ZNF519: variants seen among roughly 807,000 people sequenced by gnomAD.
ZNF519 encodes the protein similar to Zinc finger protein 85 (Zinc finger protein HPF4) (HTF1).
In ZNF519, 7 loss-of-function variants were observed where a neutral mutation model predicts 7.4. The ratio of observed to expected loss-of-function variants is 0.94; its 90% CI spans 0.54 to 1.77. ZNF519 has a LOEUF of 1.77. ZNF519 is among the 40% of genes most tolerant of loss of function. The probability of loss-of-function intolerance (pLI) is 0.00; values close to 1 mark genes in which losing one functional copy is unlikely to be tolerated. For synonymous variants in ZNF519, 179 were observed against 203.3 expected (o/e 0.88, Z 1.02); for missense variants, 586 against 623.1 (o/e 0.94, Z 0.63).
downstream of ZNF519, among the ~76,000 whole-genome samples, chr18:14,095,654 A>G (rs975214101): frequency 5.3e-5 from 8 of 152,200 alleles, no homozygotes; most frequent in Non-Finnish European, 1.0e-4. Flanking sequence ...CAGCAGCTCT[A>G]TCTGTGGGCA....
At chr18:14,109,125 AAAAAAAAAAAT>A (rs1183070017) in intron 2 of ZNF519, among the ~76,000 whole-genome samples, 1 of 151,734 alleles carries the variant, frequency 6.6e-6, no homozygotes, top group Non-Finnish European at 1.5e-5. Flanking sequence ...CTCAAAAAAA[AAAAAAAAAAAT>A]AATAATGAGG....
intron 2 of ZNF519, among the ~76,000 whole-genome samples, chr18:14,119,742 C>T (rs1439960913): frequency 1.3e-5 from 2 of 152,106 alleles, no homozygotes; most frequent in Non-Finnish European, 2.9e-5. Flanking sequence ...AGAAATGCAG[C>T]ACTGCACCAG....
chr18:14,100,079 G>C lies in ZNF519; in HGVS notation c.*4838C>G, dbSNP rs187481964. The C allele has an allele frequency of 6.6e-6, 1 of 152,130 alleles. No individual in the cohort carries two copies. Among genetic ancestry groups the C allele is most frequent in the Middle Eastern group, 3.2e-3 (1 of 316 alleles). 9.4% of individuals were successfully genotyped at this position (152,130 alleles called of 1,614,324 possible). A position where few individuals can be genotyped will look rare whatever the true frequency, so the allele number is the denominator to read the frequency against. On this transcript the variant is annotated 3_prime_UTR_variant, in exon 3 of 3. Coordinates refer to ENST00000590202, the MANE Select transcript of ZNF519 (RefSeq NM_145287.4). The stretch of plus-strand genomic sequence containing the variant: ...AATAAACATTTCATCAGAGATAATA[G>C]GCAGATGTCATATGAGAACATTAAA...
chr18:14,127,198 C>T (rs1302543496), intron 1 of ZNF519, among the ~76,000 whole-genome samples: 9 of 152,182 alleles, frequency 5.9e-5, no homozygotes, highest in Non-Finnish European at 1.2e-4. Flanking sequence ...TCTGTTGACA[C>T]CAGAAGCCTC....
intron 1 of ZNF519, among the ~76,000 whole-genome samples, chr18:14,128,086 G>T (rs950798872): frequency 1.3e-5 from 2 of 151,856 alleles, no homozygotes; most frequent in African/African-American, 4.8e-5. Flanking sequence ...TCAGGAGATC[G>T]AGACCATCCT....
chr18:14,120,674 A>G (rs575345381), intron 2 of ZNF519, among the ~76,000 whole-genome samples: 1 of 152,186 alleles, frequency 6.6e-6, no homozygotes, highest in Non-Finnish European at 1.5e-5. Context: ...AACTTCTGCA[A>G]TTCAAAGCAA....
chr18:14,115,705 CAAAT>C (rs1454288261), intron 2 of ZNF519, among the ~76,000 whole-genome samples: 1 of 152,054 alleles, frequency 6.6e-6, no homozygotes, highest in Non-Finnish European at 1.5e-5. Context: ...TTCAAATATA[CAAAT>C]AAATAATATT....
At chr18:14,086,364 G>A (rs117467146) in intron 2 of ZNF519, among the ~76,000 whole-genome samples, 4,617 of 152,260 alleles carry the variant, frequency 0.03, 109 homozygotes, top group South Asian at 0.058. Flanking sequence ...CTCAGGGGCC[G>A]GAAAGCTGTA....
chr18:14,120,372 T>C (rs143519853), intron 2 of ZNF519, among the ~76,000 whole-genome samples: 87 of 152,262 alleles, frequency 5.7e-4, no homozygotes, highest in African/African-American at 1.9e-3. Context: ...TAGATTATTT[T>C]CTTTGACCAT....
In ZNF519 at chr18:14,101,480, G is replaced by C; in HGVS notation, c.*3437C>G. 3 of 395,430 alleles carry C rather than the reference G, an allele frequency of 7.6e-6. No individual in the cohort carries two copies. Among genetic ancestry groups the C allele is most frequent in the Non-Finnish European group, 1.3e-5 (3 of 224,620 alleles). 24.5% of individuals were successfully genotyped at this position (395,430 alleles called of 1,614,324 possible). A position where few individuals can be genotyped will look rare whatever the true frequency, so the allele number is the denominator to read the frequency against. ...ATATGTGAAAGCCGATTGTACACCT[G>C]AACAGTGCTGGGGTGAAATGGTGGG... is the stretch of plus-strand genomic sequence containing the variant. On this transcript the variant is annotated 3_prime_UTR_variant, in exon 3 of 3. Coordinates refer to ENST00000590202, the MANE Select transcript of ZNF519 (RefSeq NM_145287.4).
chr18:14,124,177 T>TA (rs199578474), intron 2 of ZNF519, 173 bp downstream of exon 2: 15,491 of 391,392 alleles, frequency 0.04, 74 homozygotes, highest in African/African-American at 0.07. Flanking sequence ...CTGTCTCAAT[T>TA]AAAAAAAAAA....
chr18:14,085,902 C>T (rs1020466663), intron 2 of ZNF519, among the ~76,000 whole-genome samples: 2 of 152,218 alleles, frequency 1.3e-5, no homozygotes, highest in East Asian at 1.9e-4. Context: ...CTCTGGCCTT[C>T]GATAGTGGCA....
rs914635279 is a variant in ZNF519, at chr18:14,100,672, G to A, written c.*4245C>T. The A allele has an allele frequency of 2.0e-5, 3 of 152,130 alleles. No individual in the cohort carries two copies. Among genetic ancestry groups the A allele is most frequent in the Admixed American group, 6.6e-5 (1 of 15,266 alleles). 9.4% of individuals were successfully genotyped at this position (152,130 alleles called of 1,614,324 possible). ...GTTTCAAAGAATCAGAATCAGAGTG[G>A]GTATGGTGGGGAGAAGGGAAGCGGA... On this transcript the variant is annotated 3_prime_UTR_variant, in exon 3 of 3. Coordinates refer to ENST00000590202, the MANE Select transcript of ZNF519 (RefSeq NM_145287.4).
At chr18:14,099,453 A>G (rs1423313459), downstream of ZNF519, among the ~76,000 whole-genome samples, 2 of 152,162 alleles carry the variant, frequency 1.3e-5, no homozygotes, top group Admixed American at 1.3e-4. Context: ...CTTATTATGT[A>G]TATTATACAT....
At chr18:14,091,860 C>T (rs773126242) in intron 2 of ZNF519, among the ~76,000 whole-genome samples, 3 of 152,032 alleles carry the variant, frequency 2.0e-5, no homozygotes, top group African/African-American at 4.8e-5. Flanking sequence ...GGGACAGAAA[C>T]GACAATAGCC....
At chr18:14,108,966 G>A (rs562348318) in intron 2 of ZNF519, among the ~76,000 whole-genome samples, 2 of 151,948 alleles carry the variant, frequency 1.3e-5, no homozygotes, top group Non-Finnish European at 2.9e-5. Context: ...AATTATCCGG[G>A]CATGGTGGCA....
At chr18:14,130,026 C>A (rs2046322005) in intron 1 of ZNF519, among the ~76,000 whole-genome samples, 1 of 152,098 alleles carries the variant, frequency 6.6e-6, no homozygotes, top group Admixed American at 6.5e-5. Flanking sequence ...ATTCCTCATG[C>A]TTTTTGTTCT....
chr18:14,121,793 C>T (rs1338559348), intron 2 of ZNF519: 1 of 152,012 alleles, frequency 6.6e-6, no homozygotes, highest in Non-Finnish European at 1.5e-5. Context: ...ATCTCAATGA[C>T]ACAGTCCCAG....
chr18:14,118,249 G>A (rs1010597222), intron 2 of ZNF519, among the ~76,000 whole-genome samples: 16 of 151,838 alleles, frequency 1.1e-4, no homozygotes, highest in African/African-American at 3.9e-4. Context: ...TAATAGAGCC[G>A]GGGTTTCACC....
Sources: allele counts gnomAD v4.1 joint callset (sites outside exome capture counted in the v4.1 genomes callset), GRCh38; gene constraint gnomAD v4.1.1; transcripts MANE v1.5; gene names NCBI Gene and HGNC (gene_info 2026-07-23, HGNC 2026-07-21).